Variants in TBC1D1 observed in about 807,000 individuals in gnomAD.
TBC1D1 encodes the protein TBC1 domain family member 1.
TBC1D1 carries 89 observed loss-of-function variants against 125.6 expected under a neutral mutation model. The observed-to-expected ratio is 0.71, with a 90% CI of 0.60 to 0.85. The LOEUF is 0.85. Among genes scored for constraint, TBC1D1 ranks in the 40% least tolerant of loss-of-function variants. The pLI, the probability that TBC1D1 is intolerant of heterozygous loss-of-function variation, is 0.00. For missense variants in TBC1D1, 1,377 were observed against 1,469.2 expected (o/e 0.94, Z 1.03); for synonymous variants, 565 against 564.1 (o/e 1.00, Z -0.02).
intron 15 of TBC1D1, among the ~76,000 whole-genome samples, chr4:38,112,832 T>G (rs1430733354): frequency 1.3e-5 from 2 of 152,208 alleles, no homozygotes; most frequent in Non-Finnish European, 2.9e-5. Flanking sequence ...ACTCCATCTG[T>G]GTGACCTGAC....
At chr4:38,041,560 G>A (rs557235528) in intron 8 of TBC1D1, among the ~76,000 whole-genome samples, 3 of 152,128 alleles carry the variant, frequency 2.0e-5, no homozygotes, top group African/African-American at 4.8e-5. Context: ...AAGCAAATAA[G>A]TGTTTAACAA....
At chr4:37,920,565 G>A (rs1720737626) in intron 2 of TBC1D1, among the ~76,000 whole-genome samples, 1 of 152,168 alleles carries the variant, frequency 6.6e-6, no homozygotes, top group Admixed American at 6.5e-5. Context: ...CAGATTTCTG[G>A]GGTATTGGAG....
intron 2 of TBC1D1, among the ~76,000 whole-genome samples, chr4:37,911,330 C>T (rs758082241): frequency 6.6e-6 from 1 of 152,116 alleles, no homozygotes; most frequent in Non-Finnish European, 1.5e-5. Context: ...CCTTTCCTCC[C>T]TTTGGAGGCT....
intron 2 of TBC1D1, among the ~76,000 whole-genome samples, chr4:37,967,038 C>T (rs541683589): frequency 5.3e-5 from 8 of 152,274 alleles, no homozygotes; most frequent in African/African-American, 1.7e-4. Context: ...TGCATTTCTG[C>T]AGAGGTTTGT....
intron 2 of TBC1D1, among the ~76,000 whole-genome samples, chr4:37,918,730 G>A (rs1399161691): frequency 1.3e-5 from 2 of 152,154 alleles, no homozygotes; most frequent in East Asian, 1.9e-4. Context: ...TTACAGGCAT[G>A]AGCCACCCTG....
At chr4:38,096,651 G>GT (rs1315487515) in intron 14 of TBC1D1, among the ~76,000 whole-genome samples, 1 of 152,176 alleles carries the variant, frequency 6.6e-6, no homozygotes, top group African/African-American at 2.4e-5. Flanking sequence ...AGGATTCACT[G>GT]TTTTTTCAGT....
intron 12 of TBC1D1, among the ~76,000 whole-genome samples, chr4:38,075,480 A>G (rs1229711431): frequency 2.6e-5 from 4 of 152,244 alleles, no homozygotes; most frequent in Admixed American, 1.3e-4. Flanking sequence ...ACATTTCCAC[A>G]TATAACTCAG....
chr4:37,919,888 G>A (rs1298467615), intron 2 of TBC1D1, among the ~76,000 whole-genome samples: 6 of 152,064 alleles, frequency 3.9e-5, no homozygotes, highest in Non-Finnish European at 5.9e-5. Flanking sequence ...CGAGGGGGGC[G>A]GATCATGAGG....
At chr4:38,079,934 G>A (rs1038122516) in intron 12 of TBC1D1, among the ~76,000 whole-genome samples, 8 of 152,202 alleles carry the variant, frequency 5.3e-5, no homozygotes, top group African/African-American at 1.9e-4. Context: ...GAACGCCAAA[G>A]GCCAGAGATT....
At chr4:37,958,853 A>G (rs1481595647) in intron 2 of TBC1D1, among the ~76,000 whole-genome samples, 4 of 152,306 alleles carry the variant, frequency 2.6e-5, no homozygotes, top group African/African-American at 9.6e-5. Flanking sequence ...AAGAAAAACA[A>G]TTCAATTGGA....
Position 38,025,877 on chromosome 4 carries a change from G to A in TBC1D1, c.1211-1911G>A, listed in dbSNP as rs368686405. Among the ~76,000 whole-genome samples, 14 of 152,128 alleles carry A rather than the reference G, an allele frequency of 9.2e-5. No individual in the cohort carries two copies. The East Asian group carries it at 9.6e-4, about 10-fold the overall frequency. On this transcript the variant is annotated intron_variant, in intron 6 of 19. Transcript: ENST00000261439. ...GACTGCATTGCACTTTGACAAAGGC[G>A]CCATCCTTCCTGCACTTTAACCCAC...
chr4:37,904,031 C>G (rs1716752942), intron 2 of TBC1D1, among the ~76,000 whole-genome samples: 1 of 152,322 alleles, frequency 6.6e-6, no homozygotes, highest in South Asian at 2.1e-4. Flanking sequence ...ACTTCCTGTA[C>G]TCTAATCCTA....
At chr4:37,895,583 A>G (rs1323544998) in intron 1 of TBC1D1, among the ~76,000 whole-genome samples, 1 of 152,184 alleles carries the variant, frequency 6.6e-6, no homozygotes, top group Non-Finnish European at 1.5e-5. Flanking sequence ...ACACACCTGT[A>G]ATCCCAGCTT....
At chr4:38,108,651 G>C (rs1309725923) in intron 15 of TBC1D1, among the ~76,000 whole-genome samples, 2 of 152,166 alleles carry the variant, frequency 1.3e-5, no homozygotes, top group Non-Finnish European at 2.9e-5. Context: ...ACACGTGTGG[G>C]TCACGGGTCC....
rs150593378 is a variant in TBC1D1, at chr4:37,934,732, C to T, written c.417+32220C>T. Among the ~76,000 whole-genome samples, 1,032 of 152,268 alleles carry T rather than the reference C, an allele frequency of 6.8e-3. 11 individuals carry two copies. The highest frequency in any genetic ancestry group is 0.024 in the African/African-American group (990 of 41,554). ...CTAGCCTCTGCTTTCCCTGGGGACC[C>T]TTCAGTGTCATTTTTCCACTTCTGT... On this transcript the variant is annotated intron_variant, in intron 2 of 19. Coordinates refer to ENST00000261439, the MANE Select transcript of TBC1D1 (RefSeq NM_015173.4).
intron 2 of TBC1D1, among the ~76,000 whole-genome samples, chr4:37,964,563 G>T (rs1336842229): frequency 6.6e-6 from 1 of 152,206 alleles, no homozygotes; most frequent in Non-Finnish European, 1.5e-5. Context: ...GCCTTCCCGA[G>T]ATCCGGCAGC....
intron 12 of TBC1D1, among the ~76,000 whole-genome samples, chr4:38,061,317 C>A (rs1437285250): frequency 6.6e-6 from 1 of 152,138 alleles, no homozygotes; most frequent in Non-Finnish European, 1.5e-5. Context: ...AAATCAACTT[C>A]TGACTAGATA....
chr4:38,101,781 G>A (rs147828625), intron 14 of TBC1D1, among the ~76,000 whole-genome samples: 62 of 152,230 alleles, frequency 4.1e-4, no homozygotes, highest in Middle Eastern at 3.4e-3. Flanking sequence ...GTTTCTTGCC[G>A]TCAATTTTGC....
intron 2 of TBC1D1, among the ~76,000 whole-genome samples, chr4:37,940,720 G>A (rs577300921): frequency 2.6e-4 from 39 of 152,276 alleles, no homozygotes; most frequent in African/African-American, 8.9e-4. Context: ...TTCATTGAGA[G>A]TTTTTAGCAT....
Sources: gnomAD v4.1 joint callset for allele counts (sites outside exome capture counted in the v4.1 genomes callset) on GRCh38, gnomAD v4.1.1 for gene constraint, MANE v1.5 for transcripts, NCBI Gene and HGNC (gene_info 2026-07-23, HGNC 2026-07-21) for gene names.